Variants in AIG1 observed in about 807,000 individuals in gnomAD.
The protein encoded by AIG1 is androgen-induced gene 1 protein.
AIG1 carries 23 observed loss-of-function variants against 31.4 expected under a neutral mutation model. The observed-to-expected ratio is 0.73, with a 90% CI of 0.53 to 1.04. The LOEUF is 1.04. Among genes scored for constraint, AIG1 ranks in the 50% least tolerant of loss-of-function variants. AIG1 has a pLI of 0.00. For missense variants in AIG1, 274 were observed against 295.0 expected, an observed-to-expected ratio of 0.93 and a Z score of 0.52; for synonymous variants, 100 against 110.5, an observed-to-expected ratio of 0.90 and a Z score of 0.60.
At chr6:143,090,993 T>C (rs751841862) in intron 1 of AIG1, among the ~76,000 whole-genome samples, 1 of 152,236 alleles carries the variant, frequency 6.6e-6, no homozygotes, top group African/African-American at 2.4e-5. Flanking sequence ...GTATGTAATG[T>C]TCTAAATCCT....
At chr6:143,341,513 G>A (rs1777854769), downstream of AIG1, among the ~76,000 whole-genome samples, 1 of 152,168 alleles carries the variant, frequency 6.6e-6, no homozygotes, top group Non-Finnish European at 1.5e-5. Context: ...TCCAATCTGA[G>A]TAGTATCTTT....
At chr6:143,244,282 G>C (rs544010224) in intron 3 of AIG1, among the ~76,000 whole-genome samples, 1 of 152,316 alleles carries the variant, frequency 6.6e-6, no homozygotes, top group South Asian at 2.1e-4. Flanking sequence ...TAGACAAGGG[G>C]TGGAGGTAAA....
At chr6:143,174,486 C>CAAAAAAAAA (rs71024844) in intron 3 of AIG1, among the ~76,000 whole-genome samples, 2 of 59,654 alleles carry the variant, frequency 3.4e-5, no homozygotes, top group African/African-American at 5.8e-5. Flanking sequence ...GACTCCGTCT[C>CAAAAAAAAA]AAAAAAAAAA....
At chr6:143,092,311 G>C (rs1779379611) in intron 1 of AIG1, among the ~76,000 whole-genome samples, 1 of 146,780 alleles carries the variant, frequency 6.8e-6, no homozygotes, top group African/African-American at 2.5e-5. Context: ...TAGAGACAGG[G>C]TCTCACTTTG....
intron 1 of AIG1, among the ~76,000 whole-genome samples, chr6:143,111,082 A>G (rs1385751622): frequency 6.6e-5 from 10 of 152,238 alleles, no homozygotes; most frequent in African/African-American, 2.4e-5. Flanking sequence ...TTTGAAATTT[A>G]ATAACTCATG....
intron 3 of AIG1, among the ~76,000 whole-genome samples, chr6:143,165,403 G>A (rs1490962831): frequency 6.6e-6 from 1 of 152,192 alleles, no homozygotes; most frequent in Non-Finnish European, 1.5e-5. Flanking sequence ...TGTAGTAGAT[G>A]AATCCACAGA....
At chr6:143,084,304 A>T (rs1778563124) in intron 1 of AIG1, among the ~76,000 whole-genome samples, 1 of 152,164 alleles carries the variant, frequency 6.6e-6, no homozygotes, top group African/African-American at 2.4e-5. Context: ...CCCTTGACAT[A>T]AGGGGCATGG....
At chr6:143,081,024 ACTAAGTTGGCCGT>A (rs1778201639) in intron 1 of AIG1, among the ~76,000 whole-genome samples, 1 of 152,166 alleles carries the variant, frequency 6.6e-6, no homozygotes, top group Admixed American at 6.5e-5. Flanking sequence ...GATGTCTGCA[ACTAAGTTGGCCGT>A]CTCTCAGTCA....
At chr6:143,091,345 C>G (rs1779288781) in intron 1 of AIG1, among the ~76,000 whole-genome samples, 1 of 152,214 alleles carries the variant, frequency 6.6e-6, no homozygotes, top group Non-Finnish European at 1.5e-5. Flanking sequence ...GGTGAATCCT[C>G]TGGTGTTTAG....
upstream of AIG1, chr6:143,060,681 C>T (rs780986314): frequency 8.9e-6 from 4 of 450,998 alleles, no homozygotes; most frequent in South Asian, 6.4e-5. Flanking sequence ...GACACGCCGC[C>T]TGCCAGGCCG....
At chr6:143,168,134 ATATT>A (rs1193674889) in intron 3 of AIG1, among the ~76,000 whole-genome samples, 8 of 152,152 alleles carry the variant, frequency 5.3e-5, no homozygotes, top group African/African-American at 1.4e-4. Context: ...TGTTTAAATA[ATATT>A]TAAAGTTTTA....
chr6:143,185,082 C>G (rs6934357), intron 3 of AIG1, among the ~76,000 whole-genome samples: 147,004 of 152,072 alleles, frequency 0.97, 71,113 homozygotes, highest in East Asian at 1. Context: ...TGTAGTCCCA[C>G]CTACTTGGGA....
At chr6:143,082,631 A>G (rs900189011) in intron 1 of AIG1, among the ~76,000 whole-genome samples, 2 of 152,184 alleles carry the variant, frequency 1.3e-5, no homozygotes, top group East Asian at 3.9e-4. Flanking sequence ...AGATACTAAG[A>G]CTGCTATTGC....
intron 1 of AIG1, among the ~76,000 whole-genome samples, chr6:143,064,550 A>G (rs753669775): frequency 5.3e-5 from 8 of 152,268 alleles, no homozygotes; most frequent in Non-Finnish European, 1.2e-4. Context: ...CATTCAATTG[A>G]TAGTAATTGG....
At chr6:143,207,543 CA>C (rs1243529945) in intron 3 of AIG1, among the ~76,000 whole-genome samples, 17 of 152,162 alleles carry the variant, frequency 1.1e-4, no homozygotes, top group South Asian at 4.2e-4. Context: ...CACACACACA[CA>C]CCCCTACTCC....
At chr6:143,173,467 T>C (rs756391906) in intron 3 of AIG1, among the ~76,000 whole-genome samples, 2 of 152,224 alleles carry the variant, frequency 1.3e-5, no homozygotes, top group Non-Finnish European at 2.9e-5. Context: ...TTCCTAGAGA[T>C]GTGACCTTAG....
chr6:143,099,565 T>A (rs990678549), intron 1 of AIG1: 2 of 152,192 alleles, frequency 1.3e-5, no homozygotes, highest in Non-Finnish European at 2.9e-5. Flanking sequence ...CATCCTGAAT[T>A]TTGTGTTTAT....
rs1005183591 is a variant in AIG1 at position 143,268,651 on chromosome 6, C to A, written c.400-15459C>A. ...AGTGCCAATGTCAGCAGATTCATAA[C>A]CCTGCAGCGCAATTTTGGATTGTCA... is the stretch of plus-strand genomic sequence containing the variant. On this transcript the variant is annotated intron_variant, in intron 3 of 5. Transcript: ENST00000357847. The surrounding 1 kb of genome is among the most constrained non-coding windows in gnomAD (Gnocchi z 5.0). 2.6e-5 allele frequency among the ~76,000 whole-genome samples: 4 copies of A among 152,168 alleles called. No homozygotes were observed. The highest frequency in any genetic ancestry group is 5.9e-5 in the Non-Finnish European group (4 of 68,030).
At chr6:143,273,503 G>T (rs1796688189) in intron 3 of AIG1, among the ~76,000 whole-genome samples, 1 of 152,012 alleles carries the variant, frequency 6.6e-6, no homozygotes, top group Non-Finnish European at 1.5e-5. Flanking sequence ...CTCTCTTCTT[G>T]CATTCTTCAC....
Sources: allele counts gnomAD v4.1 joint callset (sites outside exome capture counted in the v4.1 genomes callset), GRCh38; gene constraint gnomAD v4.1.1; non-coding constraint Gnocchi (gnomAD v3.1); transcripts MANE v1.5; gene names NCBI Gene and HGNC (gene_info 2026-07-23, HGNC 2026-07-21).